Variants in SEMA6D observed in about 807,000 individuals in gnomAD.
The protein encoded by SEMA6D is semaphorin-6D.
Under a neutral mutation model 106.6 loss-of-function variants are expected in SEMA6D, and 35 were observed. The ratio of observed to expected loss-of-function variants is 0.33; its 90% CI spans 0.25 to 0.44. SEMA6D has a LOEUF of 0.44. SEMA6D is among the 20% of genes least tolerant of loss of function. SEMA6D has a pLI of 1.00. For missense variants in SEMA6D, 1,185 were observed against 1,345.9 expected (o/e 0.88, Z 1.87); for synonymous variants, 499 against 487.7 (o/e 1.02, Z -0.31).
chr15:47,698,755 TTC>T (rs2078750580), intron 4 of SEMA6D, among the ~76,000 whole-genome samples: 1 of 152,120 alleles, frequency 6.6e-6, no homozygotes, highest in Non-Finnish European at 1.5e-5. Context: ...TTCCTATGAG[TTC>T]TGCTGCAGCC....
upstream of SEMA6D, among the ~76,000 whole-genome samples, chr15:47,714,732 C>G (rs950589575): frequency 6.6e-6 from 1 of 152,206 alleles, no homozygotes; most frequent in Admixed American, 6.5e-5. Context: ...CATGCCAGTA[C>G]TTTGCTGAGT....
intron 1 of SEMA6D, among the ~76,000 whole-genome samples, chr15:47,723,597 A>G (rs1478261139): frequency 6.6e-6 from 1 of 152,106 alleles, no homozygotes; most frequent in Admixed American, 6.5e-5. Flanking sequence ...TGTACTATAC[A>G]TTTTTCTTAG....
At chr15:47,496,614 G>A (rs1264165529) in intron 3 of SEMA6D, among the ~76,000 whole-genome samples, 1 of 151,896 alleles carries the variant, frequency 6.6e-6, no homozygotes, top group Non-Finnish European at 1.5e-5. Context: ...TGATAACAGC[G>A]TCACCTAAAT....
At chr15:47,654,034 T>C (rs895263179) in intron 4 of SEMA6D, among the ~76,000 whole-genome samples, 1 of 152,176 alleles carries the variant, frequency 6.6e-6, no homozygotes, top group African/African-American at 2.4e-5. Context: ...AATCTTATCT[T>C]CCATGTTGGT....
chr15:47,404,354 T>C (rs538141345), intron 1 of SEMA6D, among the ~76,000 whole-genome samples: 8 of 152,346 alleles, frequency 5.3e-5, no homozygotes, highest in African/African-American at 1.9e-4. Context: ...TATTTTGTTT[T>C]TACTACTGTA....
At chr15:47,623,033 C>G (rs1408420347) in intron 4 of SEMA6D, among the ~76,000 whole-genome samples, 2 of 152,190 alleles carry the variant, frequency 1.3e-5, no homozygotes, top group Non-Finnish European at 2.9e-5. Flanking sequence ...AGTGACAACC[C>G]TCTTTCTTTA....
At chr15:47,739,239 C>T (rs533367836) in intron 1 of SEMA6D, among the ~76,000 whole-genome samples, 9 of 152,296 alleles carry the variant, frequency 5.9e-5, no homozygotes, top group Admixed American at 4.6e-4. Context: ...ATTTTCAGCC[C>T]TTTGGGAAGC....
At chr15:47,757,465 A>G (rs909893829) in intron 1 of SEMA6D, among the ~76,000 whole-genome samples, 5 of 152,214 alleles carry the variant, frequency 3.3e-5, no homozygotes, top group African/African-American at 1.2e-4. Flanking sequence ...TCAGAATAGT[A>G]TGGAAAAGCA....
At chr15:47,710,715 C>G (rs2079000438) in intron 4 of SEMA6D, among the ~76,000 whole-genome samples, 1 of 152,202 alleles carries the variant, frequency 6.6e-6, no homozygotes, top group African/African-American at 2.4e-5. Flanking sequence ...TTAAAAACCT[C>G]TAACCAGTCC....
chr15:47,687,066 C>CAAAA (rs369941348), intron 4 of SEMA6D, among the ~76,000 whole-genome samples: 2,595 of 120,886 alleles, frequency 0.021, 98 homozygotes, highest in African/African-American at 0.081. Flanking sequence ...ACCCTGTATC[C>CAAAA]AAAAAAAAAA....
At position 47,379,178 on chromosome 15, in the gene SEMA6D, G is replaced by A. The variant is rs187601073; in HGVS notation, c.-238-33215G>A. Among the ~76,000 whole-genome samples the A allele has an allele frequency of 3.7e-3, 560 of 152,186 alleles. 3 individuals carry two copies. Among genetic ancestry groups the A allele is most frequent in the Non-Finnish European group, 4.3e-3 (293 of 67,998 alleles). On this transcript the variant is annotated intron_variant, in intron 1 of 19. Transcript: ENST00000558014. The stretch of plus-strand genomic sequence containing the variant: ...TCTCACTAATAAATTAATTCAAATT[G>A]TTTACATTTCTCTGACCAAATTTTT...
intron 1 of SEMA6D, among the ~76,000 whole-genome samples, chr15:47,204,733 A>G (rs1595736665): frequency 6.6e-6 from 1 of 152,194 alleles, no homozygotes; most frequent in African/African-American, 2.4e-5. Flanking sequence ...GATCAAGCAG[A>G]TCATATATGA....
At chr15:47,539,277 A>G (rs969975634) in intron 3 of SEMA6D, among the ~76,000 whole-genome samples, 9 of 152,216 alleles carry the variant, frequency 5.9e-5, no homozygotes, top group Middle Eastern at 3.2e-3. Context: ...TATCCTGGTG[A>G]CAATTAAAAC....
chr15:47,481,980 T>C (rs2043165499), intron 3 of SEMA6D, among the ~76,000 whole-genome samples: 2 of 152,196 alleles, frequency 1.3e-5, no homozygotes, highest in African/African-American at 4.8e-5. Flanking sequence ...GGATAGCTAT[T>C]TCAGGTACAG....
intron 4 of SEMA6D, among the ~76,000 whole-genome samples, chr15:47,699,533 A>G (rs2078766806): frequency 6.6e-6 from 1 of 152,208 alleles, no homozygotes; most frequent in South Asian, 2.1e-4. Flanking sequence ...TGTTTAATTA[A>G]CAGATCGGCA....
Position 47,771,211 on chromosome 15 carries a change from T to C in SEMA6D, c.2648T>C (p.Leu883Pro), listed in dbSNP as rs199860886. The change falls in exon 19 of 19, where the codon CTG (leucine) becomes CCG (proline). Residue 883 changes from leucine to proline, a missense_variant. Leu to Pro is a moderately conservative substitution (Grantham distance 98). This residue lies in a region of SEMA6D where 750 missense variants were observed against 783.5 expected (regional missense o/e 0.96). Coordinates refer to ENST00000536845, the MANE Select transcript of SEMA6D (RefSeq NM_001358351.3). ...VDSRNTLNDL[L>P]KHLNDPNSNP... is the part of the protein sequence containing the mutation. ...TCCAGAAATACCCTCAATGATCTCCTGAAGCATCTGAATGACCCAAATAGT... is the reference window on the plus strand; with the variant it reads ...TCCAGAAATACCCTCAATGATCTCCCGAAGCATCTGAATGACCCAAATAGT... The C allele has an allele frequency of 1.9e-6, 3 of 1,614,084 alleles. No homozygotes were observed. The Admixed American group carries it at 5.0e-5, about 27-fold the overall frequency.
chr15:47,277,956 G>T (rs1165525649), intron 1 of SEMA6D, among the ~76,000 whole-genome samples: 1 of 151,860 alleles, frequency 6.6e-6, no homozygotes, highest in Non-Finnish European at 1.5e-5. Context: ...CATTTTTTAT[G>T]GCTGCCTAGT....
chr15:47,704,498 C>T (rs995226439), intron 4 of SEMA6D, among the ~76,000 whole-genome samples: 1 of 152,156 alleles, frequency 6.6e-6, no homozygotes, highest in Admixed American at 6.5e-5. Context: ...ATGGGCAGAT[C>T]ACTTGAGCCC....
At chr15:47,416,354 A>G (rs1029847267) in intron 2 of SEMA6D, among the ~76,000 whole-genome samples, 28 of 152,138 alleles carry the variant, frequency 1.8e-4, no homozygotes, top group African/African-American at 5.1e-4. Context: ...TTAGAACTTA[A>G]TTTAAACCTT....
Sources: gnomAD v4.1 joint callset for allele counts (sites outside exome capture counted in the v4.1 genomes callset) on GRCh38, gnomAD v4.1.1 for gene constraint, gnomAD v4.1.1 regional missense constraint, MANE v1.5 for transcripts, NCBI Gene and HGNC (gene_info 2026-07-23, HGNC 2026-07-21) for gene names.